Variants in FAM13A observed in about 807,000 individuals in gnomAD.
The protein encoded by FAM13A is family with sequence similarity 13 member A.
A neutral mutation model predicts 129.6 loss-of-function variants in FAM13A; 76 were observed. The observed-to-expected ratio is 0.59, with a 90% confidence interval of 0.49 to 0.71. The LOEUF is 0.71. FAM13A is among the 30% of genes least tolerant of loss of function. FAM13A has a pLI of 0.00. For missense variants in FAM13A, 1,108 were observed against 1,249.3 expected (o/e 0.89, Z 1.70); for synonymous variants, 443 against 449.9 (o/e 0.98, Z 0.20).
At chr4:88,844,659 A>G (rs1736356941) in intron 7 of FAM13A, among the ~76,000 whole-genome samples, 1 of 152,100 alleles carries the variant, frequency 6.6e-6, no homozygotes, top group South Asian at 2.1e-4. Flanking sequence ...GAGTTGGGGG[A>G]AAGACAGTTG....
At chr4:88,933,682 T>C (rs1753401377) in intron 5 of FAM13A, among the ~76,000 whole-genome samples, 1 of 152,196 alleles carries the variant, frequency 6.6e-6, no homozygotes, top group South Asian at 2.1e-4. Flanking sequence ...TTGTATATCC[T>C]AGCTTACCTT....
intron 4 of FAM13A, among the ~76,000 whole-genome samples, chr4:88,945,608 C>A (rs2148846351): frequency 6.6e-6 from 1 of 151,702 alleles, no homozygotes; most frequent in East Asian, 1.9e-4. Context: ...TCTAAGAGAT[C>A]CTACAGTGCA....
At chr4:88,875,901 A>C (rs1023999173) in intron 6 of FAM13A, among the ~76,000 whole-genome samples, 1 of 152,236 alleles carries the variant, frequency 6.6e-6, no homozygotes, top group African/African-American at 2.4e-5. Context: ...CAAATGTCCA[A>C]CAATGATAGA....
chr4:88,896,307 T>C (rs545486493), intron 6 of FAM13A, among the ~76,000 whole-genome samples: 1 of 150,796 alleles, frequency 6.6e-6, no homozygotes, highest in Admixed American at 6.6e-5. Flanking sequence ...CATTGGGAGA[T>C]ACACCTAATG....
chr4:89,038,960 C>T (rs1769752524), intron 1 of FAM13A, among the ~76,000 whole-genome samples: 1 of 152,122 alleles, frequency 6.6e-6, no homozygotes, highest in South Asian at 2.1e-4. Context: ...ATCACCTTAA[C>T]TTGTTACCCA....
chr4:88,818,150 AT>A (rs60085761), intron 7 of FAM13A, among the ~76,000 whole-genome samples: 76,555 of 149,538 alleles, frequency 0.51, 19,664 homozygotes, highest in East Asian at 0.65. Flanking sequence ...CGCCCAGATA[AT>A]TTTTTTTTTT....
chr4:88,970,960 G>A (rs1485282897), intron 4 of FAM13A, among the ~76,000 whole-genome samples: 1 of 152,240 alleles, frequency 6.6e-6, no homozygotes, highest in Non-Finnish European at 1.5e-5. Flanking sequence ...TGTAATCCCA[G>A]CACTTCGGGA....
chr4:88,822,978 T>C, intron 7 of FAM13A: 3 of 1,613,222 alleles, frequency 1.9e-6, no homozygotes, highest in Non-Finnish European at 2.5e-6. Flanking sequence ...AATACTACCT[T>C]TGCAGAGGCA....
chr4:88,737,562 C>CAGGTGTTAACAAGT lies in FAM13A; in HGVS notation c.2563-21_2563-8dup. The CAGGTGTTAACAAGT allele has an allele frequency of 4.3e-6, 7 of 1,613,246 alleles. No individual in the cohort carries two copies. Among genetic ancestry groups the CAGGTGTTAACAAGT allele is most frequent in the Non-Finnish European group, 5.9e-6 (7 of 1,179,214 alleles). ...GCTTGCTGGAGGGGGAACCCTGTGACAGGTGTTAACAAGTAGGTTACATTC... is the reference window on the plus strand; with the variant it reads ...GCTTGCTGGAGGGGGAACCCTGTGACAGGTGTTAACAAGTAGGTGTTAACAAGTAGGTTACATTC... On this transcript the variant is annotated splice_polypyrimidine_tract_variant and splice_region_variant and intron_variant, in intron 20 of 23. Coordinates refer to ENST00000264344, the MANE Select transcript of FAM13A (RefSeq NM_014883.4).
intron 7 of FAM13A, among the ~76,000 whole-genome samples, chr4:88,841,395 G>A (rs1735793984): frequency 6.6e-6 from 1 of 151,006 alleles, no homozygotes; most frequent in Admixed American, 6.6e-5. Context: ...TCAGGAGGCT[G>A]AGGCAGGAGA....
chr4:88,790,459 C>T (rs1450197057), intron 9 of FAM13A, 127 bp downstream of exon 9: 1 of 746,736 alleles, frequency 1.3e-6, no homozygotes, highest in African/African-American at 1.8e-5. Flanking sequence ...AAGTCACTGG[C>T]TGCTTATTAT....
chr4:88,754,539 C>A (rs1053740706), intron 14 of FAM13A, among the ~76,000 whole-genome samples: 3 of 152,152 alleles, frequency 2.0e-5, no homozygotes, highest in Non-Finnish European at 2.9e-5. Flanking sequence ...TTATTTAGAG[C>A]CATTACTCCT....
At chr4:88,964,563 T>C (rs2904259) in intron 4 of FAM13A, among the ~76,000 whole-genome samples, 79,703 of 151,164 alleles carry the variant, frequency 0.53, 21,088 homozygotes, top group African/African-American at 0.61. Context: ...TCATAATGAA[T>C]CACCACACTA....
At chr4:88,971,697 A>G (rs887933909) in intron 4 of FAM13A, among the ~76,000 whole-genome samples, 4 of 152,110 alleles carry the variant, frequency 2.6e-5, no homozygotes, top group African/African-American at 9.7e-5. Context: ...CTTTTAAGAG[A>G]CAGAGTCTCA....
At chr4:88,818,471 A>G (rs931539524) in intron 7 of FAM13A, among the ~76,000 whole-genome samples, 2 of 152,206 alleles carry the variant, frequency 1.3e-5, no homozygotes, top group African/African-American at 2.4e-5. Context: ...TGTACTGAAT[A>G]GTTAACATCT....
At chr4:88,893,529 A>G (rs549432850) in intron 6 of FAM13A, among the ~76,000 whole-genome samples, 16 of 152,208 alleles carry the variant, frequency 1.1e-4, no homozygotes, top group Admixed American at 9.8e-4. Flanking sequence ...AGGTTGAGAC[A>G]GGAGAATGGC....
intron 21 of FAM13A, among the ~76,000 whole-genome samples, chr4:88,733,703 C>T (rs1738370948): frequency 6.6e-6 from 1 of 152,132 alleles, no homozygotes; most frequent in Non-Finnish European, 1.5e-5. Context: ...AGAGCTTGGC[C>T]AATGCTTGCA....
At chr4:88,872,953 T>G (rs1741694310) in intron 6 of FAM13A, among the ~76,000 whole-genome samples, 1 of 152,166 alleles carries the variant, frequency 6.6e-6, no homozygotes. Context: ...CAAACCACAG[T>G]GCAATCAAAT....
chr4:88,863,307 T>C (rs1400791396), intron 6 of FAM13A, among the ~76,000 whole-genome samples: 2 of 152,154 alleles, frequency 1.3e-5, no homozygotes, highest in African/African-American at 4.8e-5. Context: ...ACAATGGGCT[T>C]TGGAGAGCTT....
Sources: gnomAD v4.1 joint callset for allele counts (sites outside exome capture counted in the v4.1 genomes callset) on GRCh38, gnomAD v4.1.1 for gene constraint, MANE v1.5 for transcripts, NCBI Gene and HGNC (gene_info 2026-07-23, HGNC 2026-07-21) for gene names.